Variants in DCBLD1 observed in about 807,000 individuals in gnomAD.
The protein encoded by DCBLD1 is discoidin, CUB and LCCL domain containing 1.
A neutral mutation model predicts 71.5 loss-of-function variants in DCBLD1; 57 were observed. That is an observed-to-expected ratio of 0.80 (90% CI 0.64 to 0.99). The LOEUF (loss-of-function observed/expected upper bound fraction) is 0.99, where lower values mean the gene tolerates loss of function less well. Ranked by LOEUF, DCBLD1 falls within the 50% of genes least tolerant of loss-of-function variation. DCBLD1 has a pLI of 0.00. For synonymous variants in DCBLD1, 380 were observed against 363.8 expected, an observed-to-expected ratio of 1.04 and a Z score of -0.51; for missense variants, 891 against 923.5, an observed-to-expected ratio of 0.96 and a Z score of 0.46.
At chr6:117,515,020 G>GGTTTTT (rs1402023741) in intron 2 of DCBLD1, among the ~76,000 whole-genome samples, 1 of 136,996 alleles carries the variant, frequency 7.3e-6, no homozygotes. Context: ...CAGTTTGTGG[G>GGTTTTT]TTTTTTTTTT....
intron 14 of DCBLD1, among the ~76,000 whole-genome samples, chr6:117,554,823 G>T (rs952648643): frequency 6.6e-6 from 1 of 151,804 alleles, no homozygotes; most frequent in African/African-American, 2.4e-5. Context: ...AACCTGGGAG[G>T]CGGAGGTTGC....
intron 1 of DCBLD1, among the ~76,000 whole-genome samples, chr6:117,490,953 A>G (rs541148805): frequency 5.6e-4 from 86 of 152,336 alleles, no homozygotes; most frequent in Non-Finnish European, 1.1e-3. Context: ...CAAAGGAAAG[A>G]AAAACTTTAT....
intron 14 of DCBLD1, chr6:117,547,663 G>A: frequency 2.6e-6 from 2 of 778,824 alleles, no homozygotes; most frequent in Admixed American, 2.0e-5. Context: ...GCCCCAGGAC[G>A]TCGTCGTCGC....
chr6:117,508,108 T>G (rs778131275), intron 2 of DCBLD1: 1 of 152,146 alleles, frequency 6.6e-6, no homozygotes, highest in Admixed American at 6.5e-5. Flanking sequence ...AAATATAAGG[T>G]GTTGCCTTTT....
intron 5 of DCBLD1, among the ~76,000 whole-genome samples, chr6:117,525,991 A>C (rs2114505908): frequency 6.6e-6 from 1 of 152,316 alleles, no homozygotes; most frequent in African/African-American, 2.4e-5. Context: ...TGATTTTTTA[A>C]AAATTTACAT....
intron 2 of DCBLD1, among the ~76,000 whole-genome samples, chr6:117,511,462 T>C (rs1479608758): frequency 1.3e-5 from 2 of 152,220 alleles, no homozygotes; most frequent in African/African-American, 4.8e-5. Context: ...ACGTTTTCTG[T>C]ACCTCCACTT....
At position 117,532,249 on chromosome 6, in the gene DCBLD1, C is replaced by T. The variant is rs1425322992; in HGVS notation, c.586-11C>T. 1.2e-5 allele frequency: 19 copies of T among 1,582,124 alleles called. No individual in the cohort carries two copies. In the Admixed American group the frequency reaches 3.6e-4, roughly 30 times the overall value. The stretch of plus-strand genomic sequence containing the variant: ...TTTTAAGTTCTGCATAATGATGTTG[C>T]TGTGTTTCAGACCTCTTTATTGTGC... On this transcript the variant is annotated splice_polypyrimidine_tract_variant and intron_variant, in intron 5 of 14. Coordinates refer to ENST00000338728, the MANE Select transcript of DCBLD1 (RefSeq NM_001366458.2).
intron 1 of DCBLD1, among the ~76,000 whole-genome samples, chr6:117,483,125 C>T (rs575157395): frequency 1.3e-5 from 2 of 152,190 alleles, no homozygotes; most frequent in Non-Finnish European, 2.9e-5. Context: ...CAAACTCCTT[C>T]CTTCCCCCAA....
At chr6:117,487,486 G>A (rs1028474236) in intron 1 of DCBLD1, among the ~76,000 whole-genome samples, 43 of 152,100 alleles carry the variant, frequency 2.8e-4, no homozygotes, top group Admixed American at 2.6e-3. Flanking sequence ...AACTAGCCAG[G>A]TGTCGTGGTG....
At chr6:117,533,570 A>G (rs1257884892) in intron 6 of DCBLD1, among the ~76,000 whole-genome samples, 1 of 152,208 alleles carries the variant, frequency 6.6e-6, no homozygotes, top group East Asian at 1.9e-4. Flanking sequence ...TCAAATAGGT[A>G]TCCTGACCAC....
Position 117,548,497 on chromosome 6 carries a change from G to T in DCBLD1, c.*58G>T, listed in dbSNP as rs1426160366. On this transcript the variant is annotated 3_prime_UTR_variant, in exon 15 of 15. Coordinates refer to ENST00000338728, the MANE Select transcript of DCBLD1 (RefSeq NM_001366458.2). Reference sequence around the variant, plus strand: ...AGCGTCGGGCTGTCACAAGGCACTGGAAGAAGGGAGCCTGCTGGTCCAGAG... The same window carrying T: ...AGCGTCGGGCTGTCACAAGGCACTGTAAGAAGGGAGCCTGCTGGTCCAGAG... 1 of 1,543,688 alleles carries T rather than the reference G, an allele frequency of 6.5e-7. No homozygotes were observed. Among genetic ancestry groups the T allele is most frequent in the African/African-American group, 1.4e-5 (1 of 72,976 alleles).
At chr6:117,493,229 A>C (rs369121540) in intron 1 of DCBLD1, among the ~76,000 whole-genome samples, 66 of 152,350 alleles carry the variant, frequency 4.3e-4, no homozygotes, top group African/African-American at 1.5e-3. Flanking sequence ...CCAACAGAAC[A>C]GTCACTAATA....
At chr6:117,539,174 A>G in intron 8 of DCBLD1, 81 bp from the exon 9 acceptor site, 7 of 1,306,156 alleles carry the variant, frequency 5.4e-6, no homozygotes, top group Non-Finnish European at 7.2e-6. Flanking sequence ...TGAGGGAGAA[A>G]AAAATGAAAC....
chr6:117,503,885 G>A lies in DCBLD1; in HGVS notation c.231G>A (p.Gly77=), dbSNP rs531606404. Residue 77 remains glycine, a synonymous_variant, in exon 2 of 15, where the codon GGG becomes GGA. Transcript: ENST00000338728. ...VCEKTITVPK[G]KRLILRLGDL... ...AAAAGACAATTACAGTACCAAAGGG[G>A]AAAAGACTGATTCTGAGGTTGGGAG... 29 of 1,614,158 alleles carry A rather than the reference G, an allele frequency of 1.8e-5. No homozygotes were observed. In the South Asian group the frequency reaches 3.0e-4, roughly 17 times the overall value.
Position 117,548,819 on chromosome 6 carries a change from G to T in DCBLD1, c.*380G>T. The T allele has an allele frequency of 1.9e-6, 2 of 1,069,590 alleles. No homozygotes were observed. The highest frequency in any genetic ancestry group is 3.2e-5 in the South Asian group (1 of 31,162). 66.3% of individuals were successfully genotyped at this position (1,069,590 alleles called of 1,614,324 possible). A position where few individuals can be genotyped will look rare whatever the true frequency, so the allele number is the denominator to read the frequency against. On this transcript the variant is annotated 3_prime_UTR_variant, in exon 15 of 15. Transcript: ENST00000338728. ...TATCAGATTTTAGTTCTGCACAGAG[G>T]TTAAGTGGGAAAATGCAGCTGTTGC... is the stretch of plus-strand genomic sequence containing the variant.
intron 1 of DCBLD1, among the ~76,000 whole-genome samples, chr6:117,486,331 T>C (rs1263626640): frequency 6.6e-6 from 1 of 152,268 alleles, no homozygotes. Flanking sequence ...TATTTCTACA[T>C]GTGTCTTAAA....
At chr6:117,487,087 C>G (rs1293688270) in intron 1 of DCBLD1, among the ~76,000 whole-genome samples, 1 of 152,146 alleles carries the variant, frequency 6.6e-6, no homozygotes, top group Non-Finnish European at 1.5e-5. Context: ...CTTCACGAAA[C>G]CCGTCCCTGT....
At chr6:117,529,003 G>A (rs1778630126) in intron 5 of DCBLD1, among the ~76,000 whole-genome samples, 1 of 152,040 alleles carries the variant, frequency 6.6e-6, no homozygotes, top group African/African-American at 2.4e-5. Context: ...ACCATGCCCG[G>A]CTAATTTTTT....
intron 11 of DCBLD1, among the ~76,000 whole-genome samples, chr6:117,542,314 A>G (rs998636023): frequency 6.6e-6 from 1 of 151,716 alleles, no homozygotes; most frequent in Non-Finnish European, 1.5e-5. Flanking sequence ...AAAAAGAAAA[A>G]GAAGTAATAA....
Sources: allele counts gnomAD v4.1 joint callset (sites outside exome capture counted in the v4.1 genomes callset), GRCh38; gene constraint gnomAD v4.1.1; transcripts MANE v1.5; gene names NCBI Gene and HGNC (gene_info 2026-07-23, HGNC 2026-07-21).